The following JAKMIP2 variants were observed in gnomAD, a reference collection of about 807,000 sequenced individuals.
JAKMIP2 encodes the protein janus kinase and microtubule-interacting protein 2.
A neutral mutation model predicts 115.0 loss-of-function variants in JAKMIP2; 25 were observed. The ratio of observed to expected loss-of-function variants is 0.22; its 90% CI spans 0.16 to 0.30. The LOEUF (loss-of-function observed/expected upper bound fraction) is 0.30, where lower values mean the gene tolerates loss of function less well. Ranked by LOEUF, JAKMIP2 falls within the 10% of genes least tolerant of loss-of-function variation. The pLI, the probability that JAKMIP2 is intolerant of heterozygous loss-of-function variation, is 1.00. For synonymous variants in JAKMIP2, 334 were observed against 343.6 expected, an observed-to-expected ratio of 0.97 and a Z score of 0.31; for missense variants, 642 against 957.6, an observed-to-expected ratio of 0.67 and a Z score of 4.35.
chr5:147,647,642 A>T lies in JAKMIP2; in HGVS notation c.936+734T>A, dbSNP rs181865958. Reference sequence around the variant, plus strand: ...TGTAAGGTGTAAGAGTATGCCCTACATCCACCAACATGACTAACAATTATT... The same window carrying T: ...TGTAAGGTGTAAGAGTATGCCCTACTTCCACCAACATGACTAACAATTATT... On this transcript the variant is annotated intron_variant, in intron 5 of 21. Transcript: ENST00000616793. Among the ~76,000 whole-genome samples the T allele has an allele frequency of 5.2e-4, 79 of 152,336 alleles. 1 individual carries two copies. Among genetic ancestry groups the T allele is most frequent in the Admixed American group, 3.4e-3 (52 of 15,294 alleles).
intron 1 of JAKMIP2, among the ~76,000 whole-genome samples, chr5:147,683,353 G>A (rs904668071): frequency 6.6e-6 from 1 of 152,086 alleles, no homozygotes; most frequent in Non-Finnish European, 1.5e-5. Flanking sequence ...TTAGCGGGGC[G>A]TGGTGGCACC....
rs371328404 is a variant in JAKMIP2 at position 147,772,979 on chromosome 5, A to T, written c.-149+9477T>A. Among the ~76,000 whole-genome samples the T allele has an allele frequency of 2.0e-5, 3 of 152,120 alleles. No homozygotes were observed. The East Asian group carries it at 5.8e-4, about 29-fold the overall frequency. ...AGGTCTTTTTCTCATTTTCTGGATA[A>T]CTTTAAAAAGGAAGTTGTTCTGTTT... On this transcript the variant is annotated intron_variant, in intron 1 of 21. Transcript: ENST00000616793.
chr5:147,777,999 A>C (rs757683769), intron 1 of JAKMIP2, among the ~76,000 whole-genome samples: 1 of 152,174 alleles, frequency 6.6e-6, no homozygotes, highest in Non-Finnish European at 1.5e-5. Context: ...TTTACTTTTA[A>C]GAATGTGTAG....
intron 1 of JAKMIP2, among the ~76,000 whole-genome samples, chr5:147,695,686 G>GAC (rs1273641160): frequency 6.9e-6 from 1 of 144,416 alleles, no homozygotes; most frequent in Non-Finnish European, 1.5e-5. Context: ...GTGAGAGAGA[G>GAC]AGACAGAGAC....
At chr5:147,631,127 C>T (rs1342196179) in intron 14 of JAKMIP2, among the ~76,000 whole-genome samples, 1 of 152,152 alleles carries the variant, frequency 6.6e-6, no homozygotes, top group Non-Finnish European at 1.5e-5. Context: ...ACATTTCTCC[C>T]AGGTAATTAA....
At chr5:147,728,743 A>G (rs547158897) in intron 1 of JAKMIP2, among the ~76,000 whole-genome samples, 2 of 152,336 alleles carry the variant, frequency 1.3e-5, no homozygotes, top group East Asian at 3.9e-4. Context: ...AAATTTGGAG[A>G]TTTGACCTAA....
chr5:147,599,961 G>T (rs1372879599), intron 21 of JAKMIP2, among the ~76,000 whole-genome samples: 2 of 151,984 alleles, frequency 1.3e-5, no homozygotes, highest in African/African-American at 4.8e-5. Context: ...CAGCATTGAT[G>T]TTAATGCTGA....
intron 1 of JAKMIP2, among the ~76,000 whole-genome samples, chr5:147,707,080 T>C (rs191008460): frequency 1.3e-5 from 2 of 152,240 alleles, no homozygotes; most frequent in East Asian, 1.9e-4. Flanking sequence ...ATGATGTAAA[T>C]ATATATTAAA....
At chr5:147,756,171 A>G (rs1218749739) in intron 1 of JAKMIP2, among the ~76,000 whole-genome samples, 3 of 152,174 alleles carry the variant, frequency 2.0e-5, no homozygotes, top group African/African-American at 7.2e-5. Context: ...TATTTGAAAG[A>G]ATTATTATTC....
At chr5:147,754,602 C>T (rs1181404226) in intron 1 of JAKMIP2, among the ~76,000 whole-genome samples, 2 of 152,084 alleles carry the variant, frequency 1.3e-5, no homozygotes, top group East Asian at 3.9e-4. Context: ...ATAAGAGTTG[C>T]ATTTTGGGTG....
chr5:147,726,715 C>T (rs553707276), intron 1 of JAKMIP2, among the ~76,000 whole-genome samples: 20 of 152,330 alleles, frequency 1.3e-4, no homozygotes, highest in African/African-American at 4.6e-4. Context: ...ACAAACTTTG[C>T]TGCAGGTCCC....
intron 3 of JAKMIP2, chr5:147,660,712 G>A (rs1208665636): frequency 1.9e-6 from 1 of 515,356 alleles, no homozygotes; most frequent in African/African-American, 1.9e-5. Context: ...CAGTTTTTAT[G>A]AGAAAGGTGA....
intron 20 of JAKMIP2, among the ~76,000 whole-genome samples, chr5:147,603,068 A>T (rs1486518912): frequency 6.6e-6 from 1 of 152,136 alleles, no homozygotes; most frequent in African/African-American, 2.4e-5. Context: ...AGAAGATCAG[A>T]TATCAGAGCT....
intron 1 of JAKMIP2, 126 bp downstream of exon 1, chr5:147,782,330 T>A (rs1755791160): frequency 1.1e-6 from 1 of 922,984 alleles, no homozygotes; most frequent in Admixed American, 2.0e-5. Context: ...CTCATCTCTG[T>A]CTCCACATCT....
intron 10 of JAKMIP2, among the ~76,000 whole-genome samples, chr5:147,637,437 A>ATTTTTTTTTTTTGTTTTTTTTTTTTTT (rs1757673378): frequency 1.3e-5 from 1 of 79,342 alleles, no homozygotes; most frequent in East Asian, 4.4e-4. Flanking sequence ...AATTCTTTTG[A>ATTTTTTTTTTTTGTTTTTTTTTTTTTT]TTTTTTTTTT....
intron 3 of JAKMIP2, among the ~76,000 whole-genome samples, chr5:147,651,357 T>C (rs894335680): frequency 1.3e-5 from 2 of 152,204 alleles, no homozygotes; most frequent in African/African-American, 2.4e-5. Flanking sequence ...ACCAGTTGAT[T>C]TGAGTTCCCT....
At chr5:147,677,080 T>G (rs1466196528) in intron 1 of JAKMIP2, among the ~76,000 whole-genome samples, 1 of 152,210 alleles carries the variant, frequency 6.6e-6, no homozygotes, top group Non-Finnish European at 1.5e-5. Context: ...ACCTCTGCCT[T>G]TAGTAGCTGT....
At chr5:147,751,256 G>GTTTTTTTTTTTTTTTTTTTTTTTTTTT (rs59032563) in intron 1 of JAKMIP2, among the ~76,000 whole-genome samples, 1 of 131,586 alleles carries the variant, frequency 7.6e-6, no homozygotes, top group East Asian at 2.3e-4. Context: ...TTTTGTTGTT[G>GTTTTTTTTTTTTTTTTTTTTTTTTTTT]TTTTTTTTTT....
chr5:147,637,069 G>C, intron 10 of JAKMIP2, 21 bp from the exon 11 acceptor site: 1 of 870,546 alleles, frequency 1.1e-6, no homozygotes, highest in African/African-American at 1.6e-5. Flanking sequence ...CAAAATTCCA[G>C]AACTCAGCAA....
Sources: gnomAD v4.1 joint callset for allele counts (sites outside exome capture counted in the v4.1 genomes callset) on GRCh38, gnomAD v4.1.1 for gene constraint, MANE v1.5 for transcripts, NCBI Gene and HGNC (gene_info 2026-07-23, HGNC 2026-07-21) for gene names.